PECAM1: variants seen among roughly 807,000 people sequenced by gnomAD.
PECAM1 encodes the protein platelet endothelial cell adhesion molecule.
In PECAM1, 8 loss-of-function variants were observed where a neutral mutation model predicts 13.8. That is an observed-to-expected ratio of 0.58 (90% confidence interval 0.34 to 1.05). The LOEUF is 1.05. Ranked by LOEUF, PECAM1 falls within the 50% of genes least tolerant of loss-of-function variation. The pLI, the probability that PECAM1 is intolerant of heterozygous loss-of-function variation, is 0.03. For missense variants in PECAM1, 304 were observed against 141.2 expected (o/e 2.15, Z -5.84); for synonymous variants, 136 against 52.6 (o/e 2.58, Z -6.86).
chr17:64,390,617 G>A lies in PECAM1; in HGVS notation c.49C>T (p.Leu17=), dbSNP rs2036696872. 4.2e-6 allele frequency: 2 copies of A among 471,314 alleles called. No homozygotes were observed. The highest frequency in any genetic ancestry group is 7.8e-6 in the Non-Finnish European group (2 of 257,332). 29.2% of individuals were successfully genotyped at this position (471,314 alleles called of 1,614,324 possible). Residue 17 remains leucine, a synonymous_variant, in exon 1 of 16, where the codon CTG becomes TTG. Transcript: ENST00000563924. ...QGATMWLGVL[L]TLLLCSSLEG... is the part of the protein sequence containing the mutation. ...AAACACTCACAGAGCAGAAGGGTCA[G>A]CAGGACTCCAAGCCACATCGTGGCC...
At chr17:64,367,563 A>G (rs969988995) in intron 5 of PECAM1, among the ~76,000 whole-genome samples, 3 of 151,798 alleles carry the variant, frequency 2.0e-5, no homozygotes, top group Non-Finnish European at 4.4e-5. Flanking sequence ...AAAAAAAAAA[A>G]AAAAGAAAAG....
At chr17:64,353,463 G>A in intron 10 of PECAM1, 28 bp downstream of exon 10, 1 of 465,924 alleles carries the variant, frequency 2.1e-6, no homozygotes, top group Non-Finnish European at 3.9e-6. Context: ...TCACAGAGCA[G>A]CCGCCCCCTT....
At chr17:64,346,468 A>G (rs1003292638) in intron 13 of PECAM1, among the ~76,000 whole-genome samples, 1 of 151,902 alleles carries the variant, frequency 6.6e-6, no homozygotes, top group Non-Finnish European at 1.5e-5. Context: ...TCCCCAGTAG[A>G]TGGATTACAG....
chr17:64,387,281 G>A (rs923249585), intron 2 of PECAM1, among the ~76,000 whole-genome samples: 19 of 152,312 alleles, frequency 1.2e-4, no homozygotes, highest in African/African-American at 3.6e-4. Flanking sequence ...CCCAACAGCC[G>A]GAGAAGTGGG....
chr17:64,387,667 C>T (rs1389651530), intron 2 of PECAM1, among the ~76,000 whole-genome samples: 2 of 152,084 alleles, frequency 1.3e-5, no homozygotes, highest in Admixed American at 6.6e-5. Flanking sequence ...GGAGGGAAAC[C>T]GAGAGGATGG....
intron 13 of PECAM1, among the ~76,000 whole-genome samples, chr17:64,345,463 G>A (rs1319612408): frequency 2.6e-5 from 4 of 152,108 alleles, no homozygotes; most frequent in Admixed American, 1.3e-4. Context: ...CTGTAATCCC[G>A]GCACTTTGGG....
rs1304371319 is a variant in PECAM1, at chr17:64,377,864, G to A, written c.345C>T (p.Asn115=). The A allele has an allele frequency of 4.2e-6, 2 of 475,142 alleles. No homozygotes were observed. The highest frequency in any genetic ancestry group is 7.7e-6 in the Non-Finnish European group (2 of 259,068). 29.4% of individuals were successfully genotyped at this position (475,142 alleles called of 1,614,324 possible). Residue 115 remains asparagine, a synonymous_variant, in exon 3 of 16, where the codon AAC becomes AAT. Transcript: ENST00000563924. ...GTYKCTVIVN[N]KEKTTAEYQV... Reference sequence around the variant, plus strand: ...GGTACTCTGCAGTGGTTTTCTCTTTGTTGTTCACAATCACAGTACATTTAT... The same window carrying A: ...GGTACTCTGCAGTGGTTTTCTCTTTATTGTTCACAATCACAGTACATTTAT...
chr17:64,324,351 C>T (rs1213972161), intron 15 of PECAM1, among the ~76,000 whole-genome samples: 2 of 152,202 alleles, frequency 1.3e-5, no homozygotes, highest in African/African-American at 4.8e-5. Context: ...CTGCTCACTA[C>T]ACCCTCCCTC....
chr17:64,388,297 G>A (rs1229474790), intron 2 of PECAM1, among the ~76,000 whole-genome samples: 1 of 152,146 alleles, frequency 6.6e-6, no homozygotes, highest in Non-Finnish European at 1.5e-5. Flanking sequence ...CCCAAAGGGT[G>A]TGGTCTGGGA....
chr17:64,324,811 G>A (rs1003544105), intron 15 of PECAM1, among the ~76,000 whole-genome samples: 4 of 152,232 alleles, frequency 2.6e-5, no homozygotes, highest in Admixed American at 2.6e-4. Context: ...CTTATGTGAT[G>A]TACCTCAAAT....
At chr17:64,364,400 G>A (rs1204100657) in intron 5 of PECAM1, among the ~76,000 whole-genome samples, 2 of 152,036 alleles carry the variant, frequency 1.3e-5, no homozygotes, top group Non-Finnish European at 2.9e-5. Context: ...GAGGTACAAG[G>A]AGGAACTGGT....
chr17:64,322,146 G>T lies in PECAM1; in HGVS notation c.*1670C>A. 1.1e-6 allele frequency: 1 copy of T among 951,258 alleles called. No homozygotes were observed. Among genetic ancestry groups the T allele is most frequent in the Non-Finnish European group, 1.3e-6 (1 of 777,578 alleles). 58.9% of individuals were successfully genotyped at this position (951,258 alleles called of 1,614,324 possible). A position where few individuals can be genotyped will look rare whatever the true frequency, so the allele number is the denominator to read the frequency against. The stretch of plus-strand genomic sequence containing the variant: ...ACCCAAAGGCCTGTGGAGCACACAT[G>T]AGGACAAGGCGGGCAGATCACCAAA... On this transcript the variant is annotated 3_prime_UTR_variant, in exon 16 of 16. Coordinates refer to ENST00000563924, the MANE Select transcript of PECAM1 (RefSeq NM_000442.5).
At chr17:64,340,271 G>A (rs8079618) in intron 14 of PECAM1, among the ~76,000 whole-genome samples, 8,926 of 152,222 alleles carry the variant, frequency 0.059, 884 homozygotes, top group African/African-American at 0.2. Context: ...GGCTGGGCCC[G>A]AGATTGCTGC....
At chr17:64,324,596 C>T (rs539949026) in intron 15 of PECAM1, among the ~76,000 whole-genome samples, 5 of 152,256 alleles carry the variant, frequency 3.3e-5, no homozygotes, top group East Asian at 1.9e-4. Flanking sequence ...CTCTAGCTAA[C>T]GTGAGATGTA....
intron 14 of PECAM1, among the ~76,000 whole-genome samples, chr17:64,333,478 C>T (rs946094623): frequency 3.3e-5 from 5 of 152,102 alleles, no homozygotes; most frequent in East Asian, 1.9e-4. Context: ...AGGGGGCTGT[C>T]CTGTGCATTG....
rs1431852253 is a variant in PECAM1, at chr17:64,320,652, C to G, written c.*3164G>C. ...TTGTAATTGGCTCTCTGTTAGTCTGCATCTCTACTGGGTTGTACCTTCCAG... is the reference window on the plus strand; with the variant it reads ...TTGTAATTGGCTCTCTGTTAGTCTGGATCTCTACTGGGTTGTACCTTCCAG... On this transcript the variant is annotated 3_prime_UTR_variant, in exon 16 of 16. Coordinates refer to ENST00000563924, the MANE Select transcript of PECAM1 (RefSeq NM_000442.5). 6.6e-6 allele frequency: 1 copy of G among 152,260 alleles called. No individual in the cohort carries two copies. Among genetic ancestry groups the G allele is most frequent in the African/African-American group, 2.4e-5 (1 of 41,458 alleles). 9.4% of individuals were successfully genotyped at this position (152,260 alleles called of 1,614,324 possible). A position where few individuals can be genotyped will look rare whatever the true frequency, so the allele number is the denominator to read the frequency against.
At chr17:64,349,746 G>A (rs1247149739) in intron 12 of PECAM1, among the ~76,000 whole-genome samples, 1 of 151,728 alleles carries the variant, frequency 6.6e-6, no homozygotes, top group Non-Finnish European at 1.5e-5. Flanking sequence ...TTAGCCGGGC[G>A]TGGTGGCAGG....
At chr17:64,353,311 A>ATG (rs2035771198) in intron 10 of PECAM1, among the ~76,000 whole-genome samples, 180 bp downstream of exon 10, 1 of 56,474 alleles carries the variant, frequency 1.8e-5, no homozygotes, top group South Asian at 6.6e-4. Context: ...GGAGGTACAC[A>ATG]CACACACACA....
intron 13 of PECAM1, among the ~76,000 whole-genome samples, chr17:64,345,591 TA>T (rs1373243890): frequency 6.6e-6 from 1 of 150,994 alleles, no homozygotes; most frequent in Non-Finnish European, 1.5e-5. Flanking sequence ...TGGGCGCCTG[TA>T]ACCCCAGCTA....
Sources: allele counts gnomAD v4.1 joint callset (sites outside exome capture counted in the v4.1 genomes callset), GRCh38; gene constraint gnomAD v4.1.1; transcripts MANE v1.5; gene names NCBI Gene and HGNC (gene_info 2026-07-23, HGNC 2026-07-21).